The following KCNQ5 variants were observed in gnomAD, a reference collection of about 807,000 sequenced individuals.
KCNQ5 encodes potassium voltage-gated channel subfamily KQT member 5.
Under a neutral mutation model 98.2 loss-of-function variants are expected in KCNQ5, and 30 were observed. The observed-to-expected ratio is 0.31, with a 90% confidence interval of 0.23 to 0.41. The LOEUF (loss-of-function observed/expected upper bound fraction) is 0.41, where lower values mean the gene tolerates loss of function less well. KCNQ5 is among the 10% of genes least tolerant of loss of function. The pLI, the probability that KCNQ5 is intolerant of heterozygous loss-of-function variation, is 1.00. For synonymous variants in KCNQ5, 458 were observed against 449.4 expected (o/e 1.02, Z -0.24); for missense variants, 835 against 1,182.5 (o/e 0.71, Z 4.31).
chr6:73,113,994 A>G (rs1021842107), intron 7 of KCNQ5, among the ~76,000 whole-genome samples: 1 of 152,250 alleles, frequency 6.6e-6, no homozygotes, highest in African/African-American at 2.4e-5. Context: ...ATTCAAGAGT[A>G]CTTTTAAAAT....
chr6:72,902,560 G>A (rs1779553860), intron 1 of KCNQ5, among the ~76,000 whole-genome samples: 2 of 152,102 alleles, frequency 1.3e-5, no homozygotes, highest in Non-Finnish European at 2.9e-5. Context: ...AAGAGGTGCT[G>A]GATTTGTCAA....
intron 7 of KCNQ5, among the ~76,000 whole-genome samples, chr6:73,116,853 A>C (rs1378706856): frequency 2.2e-4 from 34 of 152,232 alleles, no homozygotes; most frequent in Admixed American, 2.0e-3. Flanking sequence ...CCTTGAAAAA[A>C]TAAGCTCTGT....
chr6:72,925,978 T>C (rs1246643057), intron 1 of KCNQ5, among the ~76,000 whole-genome samples: 2 of 152,208 alleles, frequency 1.3e-5, no homozygotes, highest in East Asian at 3.8e-4. Flanking sequence ...CATTTAATGT[T>C]GCATAAAGAT....
chr6:73,017,180 A>G (rs1770383380), intron 2 of KCNQ5, among the ~76,000 whole-genome samples: 1 of 152,178 alleles, frequency 6.6e-6, no homozygotes, highest in Non-Finnish European at 1.5e-5. Flanking sequence ...GGAAGAATTC[A>G]TTGTCCACAG....
chr6:72,786,700 C>T (rs894159691), intron 1 of KCNQ5, among the ~76,000 whole-genome samples: 19 of 152,106 alleles, frequency 1.2e-4, no homozygotes, highest in Admixed American at 4.6e-4. Context: ...TCTGAGAGAC[C>T]GGTGTATTAG....
At chr6:72,818,519 G>C (rs928805690) in intron 1 of KCNQ5, among the ~76,000 whole-genome samples, 5 of 151,866 alleles carry the variant, frequency 3.3e-5, no homozygotes, top group African/African-American at 9.6e-5. Context: ...TAAAAGCTAA[G>C]ATCAGGTAAT....
intron 1 of KCNQ5, among the ~76,000 whole-genome samples, chr6:72,645,406 C>T (rs561020505): frequency 6.7e-6 from 1 of 149,788 alleles, no homozygotes; most frequent in Non-Finnish European, 1.5e-5. Flanking sequence ...AAAAAACACA[C>T]ATACACACAA....
At position 72,859,609 on chromosome 6, in the gene KCNQ5, CTCTG is replaced by C. The variant is rs33998450; in HGVS notation, c.399-144292_399-144289del. Among the ~76,000 whole-genome samples, 473 of 151,660 alleles carry C rather than the reference CTCTG, an allele frequency of 3.1e-3. 3 individuals carry two copies. The highest frequency in any genetic ancestry group is 0.011 in the African/African-American group (438 of 41,344). Reference sequence around the variant, plus strand: ...TTTTTCTTTTGGAGCCAGGGTCTCACTCTGTCTGTCGCCCAGGCTGAAGTGCAGT... The same window carrying C: ...TTTTTCTTTTGGAGCCAGGGTCTCACTCTGTCGCCCAGGCTGAAGTGCAGT... On this transcript the variant is annotated intron_variant, in intron 1 of 13. Transcript: ENST00000370398.
chr6:73,149,007 T>C (rs945031397), intron 10 of KCNQ5, among the ~76,000 whole-genome samples: 2 of 152,118 alleles, frequency 1.3e-5, no homozygotes, highest in Admixed American at 6.5e-5. Flanking sequence ...GAACTGGTGA[T>C]AAAGAAAAGT....
intron 1 of KCNQ5, among the ~76,000 whole-genome samples, chr6:72,760,046 AT>A (rs1772182048): frequency 6.6e-6 from 1 of 152,156 alleles, no homozygotes; most frequent in Non-Finnish European, 1.5e-5. Flanking sequence ...GTACTGAAAC[AT>A]TCAGCATTTC....
rs1231879400 is a variant in KCNQ5 at position 72,870,046 on chromosome 6, A to AT, written c.399-133861dup. Reference sequence around the variant, plus strand: ...GTCAAAATTTCACCTGCACATGCTCATACTGTAAAGTACAGCTATTTCTGA... The same window carrying AT: ...GTCAAAATTTCACCTGCACATGCTCATTACTGTAAAGTACAGCTATTTCTGA... On this transcript the variant is annotated intron_variant, in intron 1 of 13. Transcript: ENST00000370398. Among the ~76,000 whole-genome samples, 3 of 152,354 alleles carry AT rather than the reference A, an allele frequency of 2.0e-5. No individual in the cohort carries two copies. In the East Asian group the frequency reaches 5.8e-4, roughly 29 times the overall value.
In KCNQ5 at chr6:73,129,343, C is replaced by G. The variant is rs1488489270; in HGVS notation, c.1248-4078C>G. Among the ~76,000 whole-genome samples, 98 of 151,962 alleles carry G rather than the reference C, an allele frequency of 6.4e-4. 1 individual carries two copies. The highest frequency in any genetic ancestry group is 6.4e-3 in the Admixed American group (98 of 15,264). On this transcript the variant is annotated intron_variant, in intron 9 of 13. Coordinates refer to ENST00000370398, the MANE Select transcript of KCNQ5 (RefSeq NM_019842.4). Reference sequence around the variant, plus strand: ...AACATATATTCTGACAATTGGTTACCTATATCAACTATAAATGCAGATGTT... The same window carrying G: ...AACATATATTCTGACAATTGGTTACGTATATCAACTATAAATGCAGATGTT...
chr6:73,107,621 C>T (rs1484443244), intron 6 of KCNQ5, among the ~76,000 whole-genome samples: 1 of 151,938 alleles, frequency 6.6e-6, no homozygotes, highest in Non-Finnish European at 1.5e-5. Flanking sequence ...AAAAGGCAGT[C>T]CCCATAATGA....
chr6:73,044,714 A>G (rs1435488153), intron 3 of KCNQ5, among the ~76,000 whole-genome samples: 1 of 152,212 alleles, frequency 6.6e-6, no homozygotes, highest in African/African-American at 2.4e-5. Context: ...TAAAGTGAAC[A>G]CTGTAGTCGC....
At chr6:72,967,830 C>T (rs1246542322) in intron 1 of KCNQ5, 2 of 154,450 alleles carry the variant, frequency 1.3e-5, no homozygotes, top group Non-Finnish European at 2.9e-5. Context: ...CTTCTGGCCT[C>T]AAGAGATCCC....
At chr6:72,638,669 C>A (rs2098925535) in intron 1 of KCNQ5, among the ~76,000 whole-genome samples, 1 of 151,744 alleles carries the variant, frequency 6.6e-6, no homozygotes, top group South Asian at 2.1e-4. Context: ...GATTCAAATT[C>A]CCTTTCCACA....
chr6:73,187,907 A>T (rs556963861), intron 11 of KCNQ5, among the ~76,000 whole-genome samples: 38 of 152,360 alleles, frequency 2.5e-4, no homozygotes, highest in African/African-American at 8.2e-4. Context: ...TTGATGAATT[A>T]TCTGAAAGAG....
At chr6:72,950,226 A>G (rs553261202) in intron 1 of KCNQ5, among the ~76,000 whole-genome samples, 2 of 152,348 alleles carry the variant, frequency 1.3e-5, no homozygotes, top group South Asian at 4.1e-4. Context: ...CAGTTTTAAC[A>G]TAACTGGTAG....
intron 1 of KCNQ5, among the ~76,000 whole-genome samples, chr6:72,965,733 T>C (rs1259508238): frequency 1.3e-5 from 2 of 152,252 alleles, no homozygotes; most frequent in African/African-American, 2.4e-5. Flanking sequence ...TTAAGGTTTA[T>C]CTTATTAGCA....
Sources: allele counts gnomAD v4.1 joint callset (sites outside exome capture counted in the v4.1 genomes callset), GRCh38; gene constraint gnomAD v4.1.1; transcripts MANE v1.5; gene names NCBI Gene and HGNC (gene_info 2026-07-23, HGNC 2026-07-21).